The following OSBPL9 variants were observed in gnomAD, a reference collection of about 807,000 sequenced individuals.
The protein encoded by OSBPL9 is oxysterol binding protein like 9.
In OSBPL9, 40 loss-of-function variants were observed where a neutral mutation model predicts 106.6. That is an observed-to-expected ratio of 0.38 (90% CI 0.29 to 0.49). The LOEUF (loss-of-function observed/expected upper bound fraction) is 0.49, where lower values mean the gene tolerates loss of function less well. OSBPL9 is among the 20% of genes least tolerant of loss of function. OSBPL9 has a pLI of 0.97. For synonymous variants in OSBPL9, 269 were observed against 295.4 expected, an observed-to-expected ratio of 0.91 and a Z score of 0.92; for missense variants, 609 against 887.2, an observed-to-expected ratio of 0.69 and a Z score of 3.98.
At chr1:51,654,560 A>G (rs942059450) in intron 2 of OSBPL9, among the ~76,000 whole-genome samples, 1 of 152,190 alleles carries the variant, frequency 6.6e-6, no homozygotes, top group Non-Finnish European at 1.5e-5. Context: ...TTATATATCC[A>G]TGTTCATAGG....
the OSBPL9 span, among the ~76,000 whole-genome samples, chr1:51,531,331 G>A: frequency 1.3e-5 from 2 of 152,076 alleles, no homozygotes; most frequent in Non-Finnish European, 2.9e-5. Context: ...GGACTATTGT[G>A]GGGAAATAAA....
In OSBPL9 at chr1:51,788,005, A is replaced by G; in HGVS notation, c.*216A>G. On this transcript the variant is annotated 3_prime_UTR_variant, in exon 24 of 24. Coordinates refer to ENST00000428468, the MANE Select transcript of OSBPL9 (RefSeq NM_024586.6). ...TTACGATTTTGACTTCAGTCCTGAG[A>G]AAAACTTCAGGTTTTGAAAATCAGA... The G allele has an allele frequency of 1.9e-6, 1 of 513,752 alleles. No individual in the cohort carries two copies. 31.8% of individuals were successfully genotyped at this position (513,752 alleles called of 1,614,324 possible).
At chr1:51,518,792 C>A in the OSBPL9 span, among the ~76,000 whole-genome samples, 2 of 151,294 alleles carry the variant, frequency 1.3e-5, no homozygotes, top group Admixed American at 6.6e-5. Context: ...GGGGTGCGGC[C>A]GGCCCGCGCG....
intron 12 of OSBPL9, among the ~76,000 whole-genome samples, chr1:51,771,419 C>T (rs1243735688): frequency 2.0e-5 from 3 of 152,098 alleles, no homozygotes; most frequent in Non-Finnish European, 4.4e-5. Flanking sequence ...CACTTGAGGC[C>T]AGGAGTTCGA....
At chr1:51,630,106 T>TAAATTCTTTTAA (rs1645017493) in intron 1 of OSBPL9, among the ~76,000 whole-genome samples, 1 of 152,012 alleles carries the variant, frequency 6.6e-6, no homozygotes, top group Non-Finnish European at 1.5e-5. Context: ...AAATGATTAC[T>TAAATTCTTTTAA]GGGGGGAATG....
At chr1:51,681,086 C>T (rs564900783) in intron 3 of OSBPL9, among the ~76,000 whole-genome samples, 1 of 152,214 alleles carries the variant, frequency 6.6e-6, no homozygotes, top group African/African-American at 2.4e-5. Flanking sequence ...CAGACTTATT[C>T]ATTAACGCTA....
intron 1 of OSBPL9, among the ~76,000 whole-genome samples, chr1:51,586,860 C>T (rs979471063): frequency 6.6e-6 from 1 of 152,112 alleles, no homozygotes; most frequent in African/African-American, 2.4e-5. Flanking sequence ...TGCTTTCTTG[C>T]CCTGATCAGT....
chr1:51,731,120 G>A (rs1338980694), intron 4 of OSBPL9, among the ~76,000 whole-genome samples: 3 of 151,154 alleles, frequency 2.0e-5, no homozygotes, highest in African/African-American at 7.3e-5. Context: ...ACCTTTTCTA[G>A]TTCAGGGAAG....
At chr1:51,717,113 G>A (rs1661215790) in intron 4 of OSBPL9, among the ~76,000 whole-genome samples, 1 of 151,912 alleles carries the variant, frequency 6.6e-6, no homozygotes, top group South Asian at 2.1e-4. Context: ...CTACAGGCAT[G>A]CACCACCACG....
the OSBPL9 span, among the ~76,000 whole-genome samples, chr1:51,557,876 G>C: frequency 6.6e-6 from 1 of 152,208 alleles, no homozygotes; most frequent in African/African-American, 2.4e-5. Context: ...TCTGACATAG[G>C]AAAATTGTGA....
chr1:51,628,299 A>G (rs1044101157), intron 1 of OSBPL9, among the ~76,000 whole-genome samples: 2 of 152,100 alleles, frequency 1.3e-5, no homozygotes, highest in Non-Finnish European at 2.9e-5. Context: ...GCATTTTAAG[A>G]TTTTTCTGTG....
chr1:51,746,602 C>A (rs1402777900), intron 5 of OSBPL9, 108 bp from the exon 6 acceptor site: 17 of 700,922 alleles, frequency 2.4e-5, no homozygotes, highest in East Asian at 6.5e-5. Flanking sequence ...ATAAATCATC[C>A]CTGGACAAAA....
chr1:51,587,174 T>A (rs1645251422), intron 1 of OSBPL9, among the ~76,000 whole-genome samples: 1 of 152,296 alleles, frequency 6.6e-6, no homozygotes, highest in South Asian at 2.1e-4. Flanking sequence ...GAGACTGGCC[T>A]GGCCAACATG....
upstream of OSBPL9, chr1:51,617,014 A>G (rs772981097): frequency 6.8e-7 from 1 of 1,464,024 alleles, no homozygotes; most frequent in Middle Eastern, 2.5e-4. Flanking sequence ...GGACCCGCCC[A>G]GGACCCGCCC....
At chr1:51,712,074 T>A (rs1270086683) in intron 3 of OSBPL9, among the ~76,000 whole-genome samples, 2 of 150,440 alleles carry the variant, frequency 1.3e-5, no homozygotes, top group Non-Finnish European at 3.0e-5. Flanking sequence ...CTGGGAGGTG[T>A]AGGTTGTAGC....
intron 4 of OSBPL9, among the ~76,000 whole-genome samples, chr1:51,738,476 C>G (rs960749855): frequency 1.3e-5 from 2 of 151,916 alleles, no homozygotes; most frequent in Non-Finnish European, 1.5e-5. Context: ...AAAAAACTTT[C>G]TTTATATTGT....
chr1:51,576,417 C>T (rs1645184206), upstream of OSBPL9, among the ~76,000 whole-genome samples: 1 of 152,216 alleles, frequency 6.6e-6, no homozygotes, highest in Non-Finnish European at 1.5e-5. Context: ...ATGTATTAGG[C>T]CCTCATGGGG....
intron 12 of OSBPL9, among the ~76,000 whole-genome samples, chr1:51,766,947 A>G (rs9919140): frequency 0.25 from 37,742 of 151,382 alleles, 6,534 homozygotes; most frequent in African/African-American, 0.48. Context: ...GCATGGTGGT[A>G]CATGCCTATA....
chr1:51,616,811 G>A (rs774906539), upstream of OSBPL9: 132 of 276,762 alleles, frequency 4.8e-4, no homozygotes, highest in Non-Finnish European at 7.7e-4. Flanking sequence ...AAGGTATCAT[G>A]GCCAGTAAAA....
Sources: allele counts gnomAD v4.1 joint callset (sites outside exome capture counted in the v4.1 genomes callset), GRCh38; gene constraint gnomAD v4.1.1; transcripts MANE v1.5; gene names NCBI Gene and HGNC (gene_info 2026-07-23, HGNC 2026-07-21).